MBNL2: variants seen among roughly 807,000 people sequenced by gnomAD.
MBNL2 encodes muscleblind-like protein 2.
A neutral mutation model predicts 41.9 loss-of-function variants in MBNL2; 17 were observed. The observed-to-expected ratio is 0.41, with a 90% CI of 0.28 to 0.61. MBNL2 has a LOEUF of 0.61. Ranked by LOEUF, MBNL2 falls within the 20% of genes least tolerant of loss-of-function variation. The probability of loss-of-function intolerance (pLI) is 0.35; values close to 1 mark genes in which losing one functional copy is unlikely to be tolerated. For missense variants in MBNL2, 336 were observed against 505.6 expected, an observed-to-expected ratio of 0.66 and a Z score of 3.22; for synonymous variants, 195 against 182.9, an observed-to-expected ratio of 1.07 and a Z score of -0.53.
chr13:97,257,330 A>G (rs1406062057), intron 1 of MBNL2, among the ~76,000 whole-genome samples: 3 of 152,174 alleles, frequency 2.0e-5, no homozygotes, highest in African/African-American at 7.2e-5. Context: ...ATAATGAACA[A>G]GTAACTTGAG....
At chr13:97,361,274 A>G (rs961778594) in intron 7 of MBNL2, among the ~76,000 whole-genome samples, 1 of 152,196 alleles carries the variant, frequency 6.6e-6, no homozygotes, top group African/African-American at 2.4e-5. Context: ...TTTGCCTAGG[A>G]GTTTGAAGAG....
intron 1 of MBNL2, among the ~76,000 whole-genome samples, chr13:97,223,518 T>C (rs1310336117): frequency 1.3e-5 from 2 of 152,208 alleles, no homozygotes; most frequent in Non-Finnish European, 2.9e-5. Context: ...TGTAACATTT[T>C]TAGAATAGTT....
At chr13:97,146,487 G>A in the MBNL2 span, among the ~76,000 whole-genome samples, 1 of 152,180 alleles carries the variant, frequency 6.6e-6, no homozygotes, top group Non-Finnish European at 1.5e-5. Flanking sequence ...AAGGAGTGCT[G>A]TTGGCCAGGG....
the MBNL2 span, among the ~76,000 whole-genome samples, chr13:97,155,609 A>C: frequency 1.4e-5 from 2 of 143,882 alleles, no homozygotes. Flanking sequence ...ATGTGATCTG[A>C]TTGTTCAATT....
intron 2 of MBNL2, among the ~76,000 whole-genome samples, chr13:97,286,189 A>C (rs1211837505): frequency 6.6e-6 from 1 of 152,216 alleles, no homozygotes; most frequent in African/African-American, 2.4e-5. Flanking sequence ...ATATTTATTT[A>C]ATGACATCTC....
chr13:97,329,856 A>G (rs1319106368), intron 2 of MBNL2, among the ~76,000 whole-genome samples: 1 of 150,252 alleles, frequency 6.7e-6, no homozygotes. Flanking sequence ...CACTTTGACC[A>G]CCACACACTC....
intron 2 of MBNL2, 93 bp downstream of exon 2, chr13:97,276,502 G>A: frequency 8.2e-7 from 1 of 1,224,360 alleles, no homozygotes; most frequent in East Asian, 2.4e-5. Flanking sequence ...TTTAAAAATT[G>A]CTTTTAGATT....
chr13:97,323,346 T>G (rs9584549), intron 2 of MBNL2, among the ~76,000 whole-genome samples: 43,355 of 152,072 alleles, frequency 0.29, 6,403 homozygotes, highest in Non-Finnish European at 0.33. Context: ...AACCCAACAT[T>G]TACTAAACAT....
At chr13:97,239,771 T>C (rs751786268) in intron 1 of MBNL2, among the ~76,000 whole-genome samples, 1 of 152,232 alleles carries the variant, frequency 6.6e-6, no homozygotes, top group Non-Finnish European at 1.5e-5. Flanking sequence ...GTAGGATAGA[T>C]ACTTCTGGTT....
In MBNL2 at chr13:97,366,667, A is replaced by G. The variant is rs1566444374; in HGVS notation, c.1048+1496A>G. ...TTTTCATGTTTATCCATCAAATTTTATTTTTTTAATTAGTTTATAGCAAGC... is the reference window on the plus strand; with the variant it reads ...TTTTCATGTTTATCCATCAAATTTTGTTTTTTTAATTAGTTTATAGCAAGC... On this transcript the variant is annotated intron_variant, in intron 8 of 8. Coordinates refer to ENST00000679496, the MANE Select transcript of MBNL2 (RefSeq NM_001382683.1). The surrounding 1 kb of genome is among the most constrained non-coding windows in gnomAD (Gnocchi z 4.7). 1 of 738,770 alleles carries G rather than the reference A, an allele frequency of 1.4e-6. No individual in the cohort carries two copies. Among genetic ancestry groups the G allele is most frequent in the South Asian group, 1.5e-5 (1 of 66,420 alleles). The allele number at this position is 738,770 out of a possible 1,614,324, so 45.8% of individuals were successfully genotyped here. A position where few individuals can be genotyped will look rare whatever the true frequency, so the allele number is the denominator to read the frequency against.
At chr13:97,284,681 G>A (rs939489446) in intron 2 of MBNL2, among the ~76,000 whole-genome samples, 1 of 152,176 alleles carries the variant, frequency 6.6e-6, no homozygotes, top group African/African-American at 2.4e-5. Context: ...CAACACTGTA[G>A]TCTAAGTCAA....
chr13:97,327,571 A>AAAAC (rs1208297537), intron 2 of MBNL2, among the ~76,000 whole-genome samples: 8 of 151,108 alleles, frequency 5.3e-5, no homozygotes, highest in Non-Finnish European at 1.0e-4. Flanking sequence ...AAAAAAAAAA[A>AAAAC]AAAAAAAAAA....
intron 1 of MBNL2, among the ~76,000 whole-genome samples, chr13:97,255,607 CA>C (rs1355735411): frequency 6.6e-6 from 1 of 152,212 alleles, no homozygotes; most frequent in African/African-American, 2.4e-5. Flanking sequence ...TTCAAATAAA[CA>C]ATTAGGCAAT....
At chr13:97,261,593 A>C (rs1350571935) in intron 1 of MBNL2, among the ~76,000 whole-genome samples, 1 of 152,164 alleles carries the variant, frequency 6.6e-6, no homozygotes, top group Non-Finnish European at 1.5e-5. Context: ...TCTTTCGCTG[A>C]AGTTGTGCCT....
upstream of MBNL2, among the ~76,000 whole-genome samples, chr13:97,219,271 G>A (rs533799034): frequency 8.9e-4 from 136 of 152,296 alleles, no homozygotes; most frequent in Admixed American, 1.5e-3. Context: ...TGTGGGTCAG[G>A]GAAGGGTTCC....
intron 7 of MBNL2, among the ~76,000 whole-genome samples, chr13:97,361,758 ATTTTTTTTT>A (rs71117641): frequency 8.9e-5 from 5 of 56,368 alleles, no homozygotes; most frequent in African/African-American, 1.4e-4. Flanking sequence ...TATAGGCGTA[ATTTTTTTTT>A]TTTTTTTTTT....
chr13:97,388,534 C>T (rs918416432), intron 8 of MBNL2, among the ~76,000 whole-genome samples: 2 of 152,120 alleles, frequency 1.3e-5, no homozygotes, highest in Non-Finnish European at 2.9e-5. Flanking sequence ...CCAGTCCCCA[C>T]AAGCACACAC....
the MBNL2 span, among the ~76,000 whole-genome samples, chr13:97,198,992 G>A: frequency 2.6e-5 from 4 of 152,144 alleles, no homozygotes; most frequent in Non-Finnish European, 5.9e-5. Flanking sequence ...ATGTGACTCA[G>A]AGGACAAGCC....
chr13:97,392,658 A>G lies in MBNL2; in HGVS notation c.*1209A>G, dbSNP rs1392823492. The G allele has an allele frequency of 6.6e-6, 1 of 152,436 alleles. No individual in the cohort carries two copies. Among genetic ancestry groups the G allele is most frequent in the Non-Finnish European group, 1.5e-5 (1 of 67,928 alleles). 9.4% of individuals were successfully genotyped at this position (152,436 alleles called of 1,614,324 possible). ...ATACTTGGTTGATCTTCAAGGTAAT[A>G]GCGATACAATTAAATTTTGTTCAGA... is the stretch of plus-strand genomic sequence containing the variant. On this transcript the variant is annotated 3_prime_UTR_variant, in exon 9 of 9. Coordinates refer to ENST00000679496, the MANE Select transcript of MBNL2 (RefSeq NM_001382683.1).
Sources: allele counts gnomAD v4.1 joint callset (sites outside exome capture counted in the v4.1 genomes callset), GRCh38; gene constraint gnomAD v4.1.1; non-coding constraint Gnocchi (gnomAD v3.1); transcripts MANE v1.5; gene names NCBI Gene and HGNC (gene_info 2026-07-23, HGNC 2026-07-21).